GALNTL6: variants seen among roughly 807,000 people sequenced by gnomAD.
GALNTL6 encodes polypeptide N-acetylgalactosaminyltransferase-like 6.
A neutral mutation model predicts 73.7 loss-of-function variants in GALNTL6; 46 were observed. The ratio of observed to expected loss-of-function variants is 0.62; its 90% CI spans 0.49 to 0.80. The LOEUF (loss-of-function observed/expected upper bound fraction) is 0.80, where lower values mean the gene tolerates loss of function less well. Ranked by LOEUF, GALNTL6 falls within the 30% of genes least tolerant of loss-of-function variation. The pLI, the probability that GALNTL6 is intolerant of heterozygous loss-of-function variation, is 0.00. For missense variants in GALNTL6, 604 were observed against 755.0 expected, an observed-to-expected ratio of 0.80 and a Z score of 2.34; for synonymous variants, 259 against 263.7, an observed-to-expected ratio of 0.98 and a Z score of 0.17.
At chr4:171,816,984 G>A (rs1357948953) in intron 2 of GALNTL6, among the ~76,000 whole-genome samples, 3 of 151,976 alleles carry the variant, frequency 2.0e-5, no homozygotes, top group South Asian at 2.1e-4. Flanking sequence ...TAAACACATA[G>A]GTTTTAAATT....
Position 171,950,208 on chromosome 4 carries a change from T to C in GALNTL6, c.138+135490T>C, listed in dbSNP as rs190397003. ...AATTGTATACTTGTCAAAAATATCA[T>C]TGAAGCATAAATTCAAGATAAAGGC... is the stretch of plus-strand genomic sequence containing the variant. On this transcript the variant is annotated intron_variant, in intron 2 of 12. Transcript: ENST00000506823. Among the ~76,000 whole-genome samples, 541 of 152,250 alleles carry C rather than the reference T, an allele frequency of 3.6e-3. 4 individuals carry two copies. The highest frequency in any genetic ancestry group is 0.011 in the South Asian group (55 of 4,828).
At chr4:171,857,020 G>A (rs1055634074) in intron 2 of GALNTL6, among the ~76,000 whole-genome samples, 2 of 151,798 alleles carry the variant, frequency 1.3e-5, no homozygotes, top group Non-Finnish European at 1.5e-5. Context: ...CATCTAGTGG[G>A]GTTTATTAGT....
chr4:172,148,122 C>T (rs1733977153), intron 2 of GALNTL6, among the ~76,000 whole-genome samples: 1 of 152,046 alleles, frequency 6.6e-6, no homozygotes, highest in South Asian at 2.1e-4. Flanking sequence ...TATTACATTA[C>T]AGTATAAATT....
At chr4:172,170,345 C>A (rs563321601) in intron 2 of GALNTL6, among the ~76,000 whole-genome samples, 8 of 152,074 alleles carry the variant, frequency 5.3e-5, no homozygotes, top group Non-Finnish European at 5.9e-5. Context: ...ATGCCTCCTT[C>A]GGTCATTCTC....
intron 5 of GALNTL6, among the ~76,000 whole-genome samples, chr4:172,544,158 G>A (rs565458416): frequency 2.8e-4 from 43 of 152,240 alleles, no homozygotes; most frequent in African/African-American, 9.6e-4. Flanking sequence ...CCAGATCCTG[G>A]TATAGGTTTT....
intron 5 of GALNTL6, among the ~76,000 whole-genome samples, chr4:172,429,581 T>C (rs1053328807): frequency 3.3e-5 from 5 of 152,160 alleles, no homozygotes; most frequent in Non-Finnish European, 7.3e-5. Flanking sequence ...AGCAGACATA[T>C]TCTAGGGTTT....
intron 5 of GALNTL6, among the ~76,000 whole-genome samples, chr4:172,629,647 T>A (rs1739310309): frequency 6.6e-6 from 1 of 152,204 alleles, no homozygotes; most frequent in African/African-American, 2.4e-5. Context: ...TTTCTGCTGC[T>A]TATACACCAA....
intron 5 of GALNTL6, among the ~76,000 whole-genome samples, chr4:172,386,055 A>G (rs1743458273): frequency 6.6e-6 from 1 of 152,140 alleles, no homozygotes; most frequent in Non-Finnish European, 1.5e-5. Context: ...CTCCTGCTTT[A>G]TGCTATTATT....
intron 8 of GALNTL6, among the ~76,000 whole-genome samples, chr4:172,899,483 CTGT>C (rs34123436): frequency 0.26 from 40,066 of 151,808 alleles, 7,348 homozygotes; most frequent in African/African-American, 0.52. Context: ...TTGGGTTCTT[CTGT>C]TGTTATATCA....
intron 2 of GALNTL6, among the ~76,000 whole-genome samples, chr4:171,980,048 C>CA (rs1053904600): frequency 2.0e-5 from 3 of 151,754 alleles, no homozygotes; most frequent in African/African-American, 7.3e-5. Flanking sequence ...TAAACCAAGG[C>CA]AAAAAAATTA....
chr4:172,481,782 G>C (rs758592326), intron 5 of GALNTL6, among the ~76,000 whole-genome samples: 1 of 152,222 alleles, frequency 6.6e-6, no homozygotes, highest in Non-Finnish European at 1.5e-5. Context: ...AGACATAAAA[G>C]TTCTCCAAGT....
At chr4:171,878,558 AC>A (rs1736343088) in intron 2 of GALNTL6, among the ~76,000 whole-genome samples, 2 of 152,094 alleles carry the variant, frequency 1.3e-5, no homozygotes, top group Non-Finnish European at 2.9e-5. Flanking sequence ...GTATACATAA[AC>A]CCTTATCTTC....
rs149610885 is a variant in GALNTL6 at position 172,164,962 on chromosome 4, G to A, written c.139-64694G>A. Among the ~76,000 whole-genome samples the A allele has an allele frequency of 3.9e-3, 599 of 152,176 alleles. 5 individuals are homozygous for A. The highest frequency in any genetic ancestry group is 7.1e-3 in the Non-Finnish European group (484 of 67,938). On this transcript the variant is annotated intron_variant, in intron 2 of 12. Transcript: ENST00000506823. ...GTAGAGGATTAATTAATATTCAGGT[G>A]CTCGCCTTATCAACCTGTGCAGTCT...
rs192456463 is a variant in GALNTL6 at position 172,750,824 on chromosome 4, C to G, written c.554-58537C>G. 1.4e-3 allele frequency among the ~76,000 whole-genome samples: 208 copies of G among 152,036 alleles called. 4 individuals are homozygous for G. Among genetic ancestry groups the G allele is most frequent in the Non-Finnish European group, 1.8e-4 (12 of 67,984 alleles). The stretch of plus-strand genomic sequence containing the variant: ...TCTTTTTTCATTATGTTCCAAAATT[C>G]CTTCTTTTTTCATTTCTTTTGTTTA... On this transcript the variant is annotated intron_variant, in intron 5 of 12. Transcript: ENST00000506823.
intron 3 of GALNTL6, among the ~76,000 whole-genome samples, chr4:172,304,349 G>A (rs991261544): frequency 6.6e-6 from 1 of 151,856 alleles, no homozygotes; most frequent in East Asian, 1.9e-4. Context: ...CTGCTTCTGC[G>A]GAGCATACAT....
intron 5 of GALNTL6, among the ~76,000 whole-genome samples, chr4:172,465,439 T>G (rs1277875848): frequency 6.6e-6 from 1 of 151,242 alleles, no homozygotes; most frequent in Non-Finnish European, 1.5e-5. Context: ...ATAGAGCCAC[T>G]GCACTCCAGC....
At chr4:172,231,732 CTAA>C in intron 3 of GALNTL6, among the ~76,000 whole-genome samples, 1 of 152,230 alleles carries the variant, frequency 6.6e-6, no homozygotes, top group Non-Finnish European at 1.5e-5. Flanking sequence ...GGAAACTCAA[CTAA>C]TGATAACTGT....
At chr4:172,482,136 A>G (rs1004920772) in intron 5 of GALNTL6, among the ~76,000 whole-genome samples, 3 of 152,152 alleles carry the variant, frequency 2.0e-5, no homozygotes, top group African/African-American at 7.2e-5. Context: ...CTCACTGCCC[A>G]GGGCCGGTGG....
intron 2 of GALNTL6, among the ~76,000 whole-genome samples, chr4:172,086,554 T>C (rs1428927219): frequency 4.6e-5 from 7 of 152,128 alleles, no homozygotes; most frequent in Non-Finnish European, 1.0e-4. Context: ...TAAAATAAGA[T>C]ACCTATAAAC....
Sources: gnomAD v4.1 joint callset for allele counts (sites outside exome capture counted in the v4.1 genomes callset) on GRCh38, gnomAD v4.1.1 for gene constraint, MANE v1.5 for transcripts, NCBI Gene and HGNC (gene_info 2026-07-23, HGNC 2026-07-21) for gene names.